The following IDS variants were observed in gnomAD, a reference collection of about 807,000 sequenced individuals.
IDS encodes iduronate 2-sulfatase.
In IDS, 1 loss-of-function variant was observed where a neutral mutation model predicts 33.5. The observed-to-expected ratio is 0.03, with a 90% CI of 0.01 to 0.14. The LOEUF is 0.14. Ranked by LOEUF, IDS falls within the 10% of genes least tolerant of loss-of-function variation. IDS has a pLI of 1.00. For missense variants in IDS, 328 were observed against 448.0 expected (o/e 0.73, Z 2.42); for synonymous variants, 191 against 184.4 (o/e 1.04, Z -0.29).
chrX:149,486,877 T>G, intron 8 of IDS, 48 bp downstream of exon 8: 1 of 1,167,250 alleles, frequency 8.6e-7, no homozygotes, highest in Non-Finnish European at 1.2e-6. Flanking sequence ...ACATATAAAC[T>G]AAAGGTGATC....
rs183814122 is a variant in IDS, at chrX:149,502,804, T to C, written c.418+508A>G. The C allele has an allele frequency of 2.4e-4, 47 of 194,746 alleles. No individual in the cohort carries two copies. In the East Asian group the frequency reaches 3.4e-3, roughly 14 times the overall value. The allele number at this position is 194,746 out of a possible 1,213,427, so 16.0% of individuals were successfully genotyped here. ...TAAGGAATGTCCGTCTCTGGGACCC[T>C]ATAGATCCTGGGTACCAGATTACAC... is the stretch of plus-strand genomic sequence containing the variant. On this transcript the variant is annotated intron_variant, in intron 3 of 8. Coordinates refer to ENST00000340855, the MANE Select transcript of IDS (RefSeq NM_000202.8).
intron 6 of IDS, among the ~76,000 whole-genome samples, chrX:149,494,413 G>A (rs782696210): frequency 5.4e-5 from 6 of 111,895 alleles, no homozygotes; most frequent in South Asian, 3.8e-4. Flanking sequence ...ATGGTGACTC[G>A]GAAGGAGCAG....
intron 1 of IDS, 62 bp downstream of exon 1, chrX:149,504,969 AGAAG>A: frequency 3.7e-6 from 3 of 808,587 alleles, no homozygotes; most frequent in Admixed American, 4.6e-5. Context: ...AAGGAAGGAA[AGAAG>A]GAAGGAGGAA....
chrX:149,501,111 A>C, intron 3 of IDS, 74 bp from the exon 4 acceptor site: 1 of 677,156 alleles, frequency 1.5e-6, no homozygotes, highest in Admixed American at 2.3e-5. Context: ...AAAACTCTGT[A>C]AACAAATGGG....
chrX:149,502,049 T>A (rs2089484290), intron 3 of IDS: 2 of 299,940 alleles, frequency 6.7e-6, no homozygotes, highest in Admixed American at 6.9e-5. Context: ...ATTAAAGGAG[T>A]GGCCAGCATG....
rs1424954672 is a variant in IDS at position 149,477,688 on chromosome X, T to C, written c.*5058A>G. ...ATCAGACACTCAGAGGAAAGTGGCA[T>C]CTGTCCCATCAGGTGAGTTAGTGGA... On this transcript the variant is annotated 3_prime_UTR_variant, in exon 9 of 9. Coordinates refer to ENST00000340855, the MANE Select transcript of IDS (RefSeq NM_000202.8). The C allele has an allele frequency of 7.1e-5, 8 of 112,940 alleles. No individual in the cohort carries two copies. Among genetic ancestry groups the C allele is most frequent in the African/African-American group, 2.6e-4 (8 of 31,081 alleles). 9.3% of individuals were successfully genotyped at this position (112,940 alleles called of 1,213,427 possible).
rs2089493009 is a variant in IDS, at chrX:149,503,075, C to A, written c.418+237G>T. ...CTACCACCCGAGGAGCTGAAAGACCCAACAGCACACCCTCAGTGGTTTCTG... is the reference window on the plus strand; with the variant it reads ...CTACCACCCGAGGAGCTGAAAGACCAAACAGCACACCCTCAGTGGTTTCTG... On this transcript the variant is annotated intron_variant, in intron 3 of 8. Transcript: ENST00000340855. 23 of 1,101,270 alleles carry A rather than the reference C, an allele frequency of 2.1e-5. No homozygotes were observed. The South Asian group carries it at 3.6e-4, about 17-fold the overall frequency. The allele number at this position is 1,101,270 out of a possible 1,213,427, so 90.8% of individuals were successfully genotyped here.
intron 6 of IDS, chrX:149,491,583 C>G: frequency 1.0e-6 from 1 of 996,201 alleles, no homozygotes; most frequent in South Asian, 1.9e-5. Flanking sequence ...TCTAGCCTTC[C>G]AGCAGGATTA....
At position 149,490,402 on chromosome X, in the gene IDS, A is replaced by G. The variant is rs781920980; in HGVS notation, c.918T>C (p.Tyr306=). The part of the protein sequence containing the change: ...IRQSYFASVS[Y]LDTQVGRLLS... ...AGAGGCGGCCGACCTGTGTATCCAA[A>G]TATGACACAGAGGCAAAGTAGCTCT... The change falls in exon 7 of 9, where the codon TAT becomes TAC. Residue 306 remains tyrosine (Y), a synonymous_variant. Coordinates refer to ENST00000340855, the MANE Select transcript of IDS (RefSeq NM_000202.8). 4.1e-6 allele frequency: 5 copies of G among 1,210,588 alleles called. No homozygotes were observed. In the East Asian group the frequency reaches 1.2e-4, roughly 29 times the overall value.
chrX:149,497,347 C>T (rs2089443908), intron 5 of IDS, among the ~76,000 whole-genome samples: 1 of 112,458 alleles, frequency 8.9e-6, no homozygotes, highest in Non-Finnish European at 1.9e-5. Flanking sequence ...CACAGCCAGG[C>T]CAGCTTTGTT....
In IDS at chrX:149,505,170, G is replaced by C. The variant is rs1557340646; in HGVS notation, c.-33C>G. 1 of 1,074,802 alleles carries C rather than the reference G, an allele frequency of 9.3e-7. No homozygotes were observed. Among genetic ancestry groups the C allele is most frequent in the Non-Finnish European group, 1.3e-6 (1 of 781,423 alleles). 88.6% of individuals were successfully genotyped at this position (1,074,802 alleles called of 1,213,427 possible). ...TCGACGCGGCCGCTTCAGAGCGGCG[G>C]GGACAGGCTGCAGCAGGTGGCGCAG... On this transcript the variant is annotated 5_prime_UTR_variant, in exon 1 of 9. Transcript: ENST00000340855.
intron 7 of IDS, among the ~76,000 whole-genome samples, chrX:149,488,560 G>A (rs781816006): frequency 2.0e-4 from 21 of 107,672 alleles, no homozygotes; most frequent in African/African-American, 5.1e-4. Flanking sequence ...ATACTGGCAC[G>A]CAGCCTTCGG....
intron 8 of IDS, among the ~76,000 whole-genome samples, chrX:149,486,461 G>A (rs2089336301): frequency 9.0e-6 from 1 of 111,552 alleles, no homozygotes. Flanking sequence ...AGATTTTACA[G>A]ATCTAGTGGT....
In IDS at chrX:149,482,771, T is replaced by C; in HGVS notation, c.1628A>G (p.Asp543Gly). The C allele has an allele frequency of 8.3e-7, 1 of 1,211,761 alleles. No homozygotes were observed. Among genetic ancestry groups the C allele is most frequent in the Non-Finnish European group, 1.1e-6 (1 of 895,550 alleles). The change falls in exon 9 of 9, where the codon GAT becomes GGT. Residue 543 changes from aspartate to glycine, a missense_variant. This residue lies in a region of IDS where 265 missense variants were observed against 339.2 expected (regional missense o/e 0.78). Transcript: ENST00000340855. Reference protein sequence around the residue: ...HNMYNDSQGGDLFQLLMP With the variant: ...HNMYNDSQGGGLFQLLMP ...TCAAGGCATCAACAACTGGAAAAGA[T>C]CTCCACCTTGGGAATCATTATACAT... is the stretch of plus-strand genomic sequence containing the variant.
chrX:149,487,205 G>C, intron 7 of IDS, 107 bp from the exon 8 acceptor site: 2 of 1,204,304 alleles, frequency 1.7e-6, no homozygotes, highest in Non-Finnish European at 2.2e-6. Flanking sequence ...AGAGGAAGTA[G>C]AAACTCATCA....
rs1167429557 is a variant in IDS, at chrX:149,480,751, A to AT, written c.*1994dup. ...TGCCTGGGCCTCCCAAAGTGCTGGG[A>AT]TTACAGGTGTGAGCCACCGCATCCG... On this transcript the variant is annotated 3_prime_UTR_variant, in exon 9 of 9. Coordinates refer to ENST00000340855, the MANE Select transcript of IDS (RefSeq NM_000202.8). The AT allele has an allele frequency of 1.6e-5, 2 of 128,999 alleles. No homozygotes were observed. The highest frequency in any genetic ancestry group is 3.1e-5 in the Non-Finnish European group (2 of 64,071). 10.6% of individuals were successfully genotyped at this position (128,999 alleles called of 1,213,427 possible).
At chrX:149,492,156 C>T (rs912156063) in intron 6 of IDS, among the ~76,000 whole-genome samples, 5 of 112,128 alleles carry the variant, frequency 4.5e-5, no homozygotes, top group Non-Finnish European at 7.5e-5. Flanking sequence ...CTTGTACCTA[C>T]TCCTTGCCCT....
Position 149,484,567 on chromosome X carries a change from A to T in IDS, c.1181-1349T>A, listed in dbSNP as rs782501694. Among the ~76,000 whole-genome samples, 132 of 112,580 alleles carry T rather than the reference A, an allele frequency of 1.2e-3. 4 individuals carry two copies. The highest frequency in any genetic ancestry group is 7.3e-4 in the Non-Finnish European group (39 of 53,250). ...GATCTCCTGACCTCGTGATCCGCCC[A>T]CCTTGGCCTCCCAAAGTGCTGGGAT... On this transcript the variant is annotated intron_variant, in intron 8 of 8. Coordinates refer to ENST00000340855, the MANE Select transcript of IDS (RefSeq NM_000202.8).
intron 8 of IDS, among the ~76,000 whole-genome samples, chrX:149,485,106 G>A (rs782586345): frequency 8.9e-6 from 1 of 112,122 alleles, no homozygotes; most frequent in African/African-American, 3.2e-5. Flanking sequence ...CAACTGGCCT[G>A]GATACTTATA....
Sources: gnomAD v4.1 joint callset for allele counts (sites outside exome capture counted in the v4.1 genomes callset) on GRCh38, gnomAD v4.1.1 for gene constraint, gnomAD v4.1.1 regional missense constraint, MANE v1.5 for transcripts, NCBI Gene and HGNC (gene_info 2026-07-23, HGNC 2026-07-21) for gene names.